VPS50: variants seen among roughly 807,000 people sequenced by gnomAD.
The protein encoded by VPS50 is syndetin.
In VPS50, 70 loss-of-function variants were observed where a neutral mutation model predicts 139.7. That is an observed-to-expected ratio of 0.50 (90% CI 0.41 to 0.61). The LOEUF is 0.61. VPS50 is among the 20% of genes least tolerant of loss of function. The pLI is 0.00. For synonymous variants in VPS50, 365 were observed against 376.7 expected (o/e 0.97, Z 0.36); for missense variants, 921 against 1,133.7 (o/e 0.81, Z 2.69).
In VPS50 at chr7:93,278,067, T is replaced by G. The variant is rs184594730; in HGVS notation, c.942+1762T>G. Among the ~76,000 whole-genome samples, 91 of 152,264 alleles carry G rather than the reference T, an allele frequency of 6.0e-4. No homozygotes were observed. In the East Asian group the frequency reaches 9.6e-3, roughly 16 times the overall value. The stretch of plus-strand genomic sequence containing the variant: ...GTTTTGTCTTTTCATCTTTTTAAAT[T>G]TGGTTAAATCTGTTGTGTGTGTTTG... On this transcript the variant is annotated intron_variant, in intron 12 of 27. Transcript: ENST00000305866.
intron 1 of VPS50, among the ~76,000 whole-genome samples, chr7:93,233,703 C>G (rs1307026353): frequency 6.6e-6 from 1 of 152,136 alleles, no homozygotes; most frequent in Non-Finnish European, 1.5e-5. Flanking sequence ...TGTTGTGCGT[C>G]CTACTACTTC....
rs549765679 is a variant in VPS50 at position 93,237,188 on chromosome 7, C to T, written c.34-2678C>T. ...AGCCAGGATAGTCTCCATCTCCTGA[C>T]CTCGTGATCCGCCCGCCTCGGCCTC... On this transcript the variant is annotated intron_variant, in intron 1 of 27. Transcript: ENST00000305866. Among the ~76,000 whole-genome samples the T allele has an allele frequency of 6.2e-4, 93 of 150,862 alleles. 2 individuals are homozygous for T. In the East Asian group the frequency reaches 0.018, roughly 29 times the overall value.
At position 93,256,514 on chromosome 7, in the gene VPS50, T is replaced by A; in HGVS notation, c.303T>A (p.Ser101=). ...DKLKQQQAAV[S]KKVADLILEK... is the part of the protein sequence containing the mutation. ...TTGATTACATCTTCTTATAGGTATC[T>A]AAAAAAGTGGCAGATTTAATCCTTG... Residue 101 remains serine (S), a synonymous_variant, in exon 5 of 28, where the codon TCT becomes TCA. Transcript: ENST00000305866. 7.1e-7 allele frequency: 1 copy of A among 1,416,324 alleles called. No individual in the cohort carries two copies. 87.7% of individuals were successfully genotyped at this position (1,416,324 alleles called of 1,614,324 possible).
chr7:93,303,462 C>G lies in VPS50; in HGVS notation c.1364C>G (p.Thr455Arg). The change falls in exon 17 of 28, where the codon ACA (threonine) becomes AGA (arginine). Residue 455 changes from threonine (T) to arginine (R), a missense_variant and splice_region_variant. Thr to Arg is a moderately conservative substitution (Grantham distance 71). Coordinates refer to ENST00000305866, the MANE Select transcript of VPS50 (RefSeq NM_017667.4). ...SVNYFKNYHR[T>R]RLDELRMFLE... ...AGTGTTCATTTTCTTTTTTTAAGAA[C>G]ACGGCTCGATGAACTGAGAATGTTC... 1 of 1,539,986 alleles carries G rather than the reference C, an allele frequency of 6.5e-7. No individual in the cohort carries two copies. The highest frequency in any genetic ancestry group is 1.2e-5 in the South Asian group (1 of 83,950).
intron 2 of VPS50, among the ~76,000 whole-genome samples, chr7:93,242,532 A>G (rs973255975): frequency 2.0e-5 from 3 of 151,896 alleles, no homozygotes; most frequent in Non-Finnish European, 4.4e-5. Flanking sequence ...TAGGTTTAAA[A>G]AGCAAGGTAC....
chr7:93,276,423 C>A, intron 12 of VPS50, 118 bp downstream of exon 12: 9 of 1,326,328 alleles, frequency 6.8e-6, no homozygotes, highest in East Asian at 2.7e-5. Flanking sequence ...AAATCTTTGC[C>A]AAAAATTTTT....
chr7:93,297,054 A>T, intron 15 of VPS50, 91 bp from the exon 16 acceptor site: 1 of 1,482,062 alleles, frequency 6.7e-7, no homozygotes, highest in Non-Finnish European at 8.9e-7. Context: ...AATTTTAGTG[A>T]TTTTTTTTAT....
chr7:93,262,069 A>G (rs1795701798), intron 9 of VPS50, among the ~76,000 whole-genome samples: 1 of 152,186 alleles, frequency 6.6e-6, no homozygotes, highest in African/African-American at 2.4e-5. Flanking sequence ...GAAAATTGGT[A>G]GGAGAGAGTG....
At position 93,358,477 on chromosome 7, in the gene VPS50, C is replaced by T; in HGVS notation, c.*41C>T. ...TTCCTCAATGGCATTGATCCTCACT[C>T]AACATATATGACCTGAAAGCCAGTT... On this transcript the variant is annotated 3_prime_UTR_variant, in exon 28 of 28. Transcript: ENST00000305866. The T allele has an allele frequency of 1.3e-6, 2 of 1,581,528 alleles. No individual in the cohort carries two copies. Among genetic ancestry groups the T allele is most frequent in the Non-Finnish European group, 1.7e-6 (2 of 1,155,396 alleles).
At chr7:93,332,604 C>T (rs1201160037) in intron 21 of VPS50, among the ~76,000 whole-genome samples, 1 of 152,108 alleles carries the variant, frequency 6.6e-6, no homozygotes, top group Non-Finnish European at 1.5e-5. Context: ...ATTAGAATAT[C>T]GATTTCTAGT....
chr7:93,349,782 A>T (rs1798505285), intron 24 of VPS50, 93 bp from the exon 25 acceptor site: 2 of 833,824 alleles, frequency 2.4e-6, no homozygotes. Flanking sequence ...TTATTTTCAG[A>T]TATGATATAT....
chr7:93,321,434 C>CA (rs1488927092), intron 20 of VPS50, among the ~76,000 whole-genome samples: 1 of 152,144 alleles, frequency 6.6e-6, no homozygotes, highest in Non-Finnish European at 1.5e-5. Flanking sequence ...ACTGGAAAGA[C>CA]AGAGTCCTCA....
chr7:93,285,681 GT>G, intron 12 of VPS50, among the ~76,000 whole-genome samples: 1 of 152,190 alleles, frequency 6.6e-6, no homozygotes, highest in East Asian at 1.9e-4. Flanking sequence ...AACCAGGTAG[GT>G]TGGCTGAGGT....
chr7:93,323,656 A>C lies in VPS50; in HGVS notation c.1901A>C (p.Asp634Ala). The change falls in exon 21 of 28, where the codon GAT becomes GCT. Residue 634 changes from aspartate (D) to alanine (A), a missense_variant. Asp to Ala is a moderately radical substitution (Grantham distance 126). This residue lies in a region of VPS50 where 744 missense variants were observed against 930.6 expected (regional missense o/e 0.80). Coordinates refer to ENST00000305866, the MANE Select transcript of VPS50 (RefSeq NM_017667.4). Reference protein sequence around the residue: ...MMNILKPIAFDVIHFMSQLFD... With the variant: ...MMNILKPIAFAVIHFMSQLFD... ...AACATTCTTAAGCCAATTGCCTTTG[A>C]TGTTATTCATTTCATGTCTCAACTA... The C allele has an allele frequency of 2.2e-6, 3 of 1,367,810 alleles. No individual in the cohort carries two copies. The highest frequency in any genetic ancestry group is 3.0e-6 in the Non-Finnish European group (3 of 1,013,560). The allele number at this position is 1,367,810 out of a possible 1,614,324, so 84.7% of individuals were successfully genotyped here.
chr7:93,348,351 A>G (rs140137029), intron 23 of VPS50, among the ~76,000 whole-genome samples: 107 of 152,310 alleles, frequency 7.0e-4, no homozygotes, highest in African/African-American at 2.6e-3. Context: ...GTATAACTGA[A>G]TGAGATCTTT....
At chr7:93,342,205 A>G (rs147951369) in intron 23 of VPS50, among the ~76,000 whole-genome samples, 6,361 of 152,288 alleles carry the variant, frequency 0.042, 174 homozygotes, top group African/African-American at 0.065. Flanking sequence ...CTAGTCAAAG[A>G]AAGTGGTGAC....
At chr7:93,250,239 TA>T (rs762282959) in intron 2 of VPS50, among the ~76,000 whole-genome samples, 5 of 152,182 alleles carry the variant, frequency 3.3e-5, no homozygotes, top group Non-Finnish European at 4.4e-5. Context: ...AGATTTGTTC[TA>T]TTTTTTTGGC....
chr7:93,341,689 A>G, intron 23 of VPS50, 114 bp downstream of exon 23: 2 of 602,396 alleles, frequency 3.3e-6, no homozygotes, highest in East Asian at 3.1e-5. Flanking sequence ...TCTAAATATC[A>G]CTTATATGTT....
At chr7:93,237,654 C>G (rs1794855564) in intron 1 of VPS50, among the ~76,000 whole-genome samples, 1 of 152,060 alleles carries the variant, frequency 6.6e-6, no homozygotes, top group South Asian at 2.1e-4. Context: ...CAGATGGTCC[C>G]CGATTTACTA....
Sources: allele counts gnomAD v4.1 joint callset (sites outside exome capture counted in the v4.1 genomes callset), GRCh38; gene constraint gnomAD v4.1.1; regional missense constraint gnomAD v4.1.1; transcripts MANE v1.5; gene names NCBI Gene and HGNC (gene_info 2026-07-23, HGNC 2026-07-21).